GALNT13: variants seen among roughly 807,000 people sequenced by gnomAD.
GALNT13 encodes UDP-GalNAc:polypeptide N-acetylgalactosaminyltransferase 13.
GALNT13 carries 28 observed loss-of-function variants against 64.2 expected under a neutral mutation model. The ratio of observed to expected loss-of-function variants is 0.44; its 90% CI spans 0.32 to 0.60. The LOEUF (loss-of-function observed/expected upper bound fraction) is 0.60, where lower values mean the gene tolerates loss of function less well. Among genes scored for constraint, GALNT13 ranks in the 20% least tolerant of loss-of-function variants. The pLI is 0.05. For synonymous variants in GALNT13, 214 were observed against 224.6 expected, an observed-to-expected ratio of 0.95 and a Z score of 0.42; for missense variants, 577 against 669.8, an observed-to-expected ratio of 0.86 and a Z score of 1.53.
At chr2:153,105,724 T>TAAC in the GALNT13 span, among the ~76,000 whole-genome samples, 36 of 152,082 alleles carry the variant, frequency 2.4e-4, no homozygotes, top group Middle Eastern at 3.4e-3. Flanking sequence ...TATACACCAA[T>TAAC]AACAGACAGA....
chr2:154,169,060 G>T (rs908265010), intron 4 of GALNT13, among the ~76,000 whole-genome samples: 6 of 151,868 alleles, frequency 4.0e-5, no homozygotes, highest in Non-Finnish European at 7.4e-5. Flanking sequence ...GAGGTGATAG[G>T]CTCCTTTTAA....
chr2:153,450,924 T>G, the GALNT13 span, among the ~76,000 whole-genome samples: 2 of 152,182 alleles, frequency 1.3e-5, no homozygotes, highest in Non-Finnish European at 2.9e-5. Flanking sequence ...GATACAATAT[T>G]TTAGTTAGGA....
At chr2:153,955,492 G>A (rs1478251959) in intron 3 of GALNT13, among the ~76,000 whole-genome samples, 2 of 152,148 alleles carry the variant, frequency 1.3e-5, no homozygotes, top group Non-Finnish European at 1.5e-5. Context: ...TTAGTTGATA[G>A]GAGCAGAATC....
chr2:154,020,307 G>T (rs1280153077), intron 3 of GALNT13, among the ~76,000 whole-genome samples: 1 of 152,162 alleles, frequency 6.6e-6, no homozygotes, highest in Non-Finnish European at 1.5e-5. Flanking sequence ...CTAGTTTACA[G>T]TCTCACCAAC....
the GALNT13 span, among the ~76,000 whole-genome samples, chr2:153,813,161 T>C: frequency 1.3e-5 from 2 of 152,292 alleles, no homozygotes; most frequent in Non-Finnish European, 2.9e-5. Flanking sequence ...TTTTCAGTGA[T>C]TCAGAGTCTA....
At chr2:154,194,698 C>G (rs1686784083) in intron 4 of GALNT13, among the ~76,000 whole-genome samples, 3 of 151,952 alleles carry the variant, frequency 2.0e-5, no homozygotes, top group African/African-American at 7.3e-5. Flanking sequence ...GTTTTAGGGG[C>G]TTCATATGAT....
At chr2:153,936,504 A>AT (rs1393467643) in intron 2 of GALNT13, among the ~76,000 whole-genome samples, 9 of 152,168 alleles carry the variant, frequency 5.9e-5, no homozygotes, top group African/African-American at 2.2e-4. Flanking sequence ...GAGGTGACTG[A>AT]TTGGCCTGAA....
chr2:154,225,152 T>TAGATGAC (rs1553499107), intron 4 of GALNT13, among the ~76,000 whole-genome samples: 6 of 100,360 alleles, frequency 6.0e-5, no homozygotes, highest in Non-Finnish European at 1.2e-4. Context: ...AGATGACAGA[T>TAGATGAC]AGATAGATGA....
At chr2:154,290,794 T>C (rs1047868855) in intron 8 of GALNT13, among the ~76,000 whole-genome samples, 2 of 152,130 alleles carry the variant, frequency 1.3e-5, no homozygotes, top group Non-Finnish European at 2.9e-5. Flanking sequence ...TGTTCGGACG[T>C]GTCTAGAGTT....
At chr2:154,144,822 G>C (rs1022466339) in intron 4 of GALNT13, among the ~76,000 whole-genome samples, 1 of 151,766 alleles carries the variant, frequency 6.6e-6, no homozygotes, top group East Asian at 1.9e-4. Flanking sequence ...GTTCTGTTCT[G>C]TAATATCTAT....
At chr2:153,891,934 T>C (rs1206037672) in intron 1 of GALNT13, among the ~76,000 whole-genome samples, 4 of 152,136 alleles carry the variant, frequency 2.6e-5, no homozygotes, top group South Asian at 4.1e-4. Flanking sequence ...TAGAAGTCCA[T>C]GATTGTTTCT....
the GALNT13 span, among the ~76,000 whole-genome samples, chr2:153,804,700 T>C: frequency 1.3e-5 from 2 of 152,132 alleles, no homozygotes; most frequent in African/African-American, 2.4e-5. Context: ...CACAAACAAA[T>C]TGTAACTGAT....
the GALNT13 span, among the ~76,000 whole-genome samples, chr2:153,253,659 T>A: frequency 7.4e-6 from 1 of 135,604 alleles, no homozygotes; most frequent in African/African-American, 2.8e-5. Flanking sequence ...ACCTAATTTA[T>A]TGAGAGTTTT....
At chr2:153,476,925 G>C in the GALNT13 span, among the ~76,000 whole-genome samples, 1 of 152,020 alleles carries the variant, frequency 6.6e-6, no homozygotes, top group Non-Finnish European at 1.5e-5. Flanking sequence ...CCTGGCTGAC[G>C]TTGGTTAGGG....
intron 4 of GALNT13, among the ~76,000 whole-genome samples, chr2:154,182,360 C>T (rs1033026021): frequency 1.3e-5 from 2 of 152,092 alleles, no homozygotes; most frequent in African/African-American, 4.8e-5. Flanking sequence ...GGTAAAAGTA[C>T]TTCTACATAT....
At chr2:154,073,706 T>C (rs1312875649) in intron 3 of GALNT13, among the ~76,000 whole-genome samples, 1 of 151,896 alleles carries the variant, frequency 6.6e-6, no homozygotes, top group Non-Finnish European at 1.5e-5. Context: ...AAATATTCAT[T>C]GTCAGGGCTT....
the GALNT13 span, among the ~76,000 whole-genome samples, chr2:153,524,309 A>G: frequency 1.3e-5 from 2 of 151,286 alleles, no homozygotes; most frequent in African/African-American, 4.9e-5. Context: ...GAATAAGTTA[A>G]GTATTCCTTC....
chr2:154,192,100 C>T (rs1018716570), intron 4 of GALNT13, among the ~76,000 whole-genome samples: 2 of 152,178 alleles, frequency 1.3e-5, no homozygotes, highest in Admixed American at 1.3e-4. Context: ...CCAGGCTCTC[C>T]TCCAACCGCC....
intron 3 of GALNT13, among the ~76,000 whole-genome samples, chr2:154,123,960 A>G (rs1255744078): frequency 3.3e-5 from 5 of 152,110 alleles, no homozygotes; most frequent in Non-Finnish European, 7.4e-5. Flanking sequence ...GGGTATATAC[A>G]TTTGTCTAAA....
Sources: gnomAD v4.1 joint callset for allele counts (sites outside exome capture counted in the v4.1 genomes callset) on GRCh38, gnomAD v4.1.1 for gene constraint, MANE v1.5 for transcripts, NCBI Gene and HGNC (gene_info 2026-07-23, HGNC 2026-07-21) for gene names.